The following ZMYM4 variants were observed in gnomAD, a reference collection of about 807,000 sequenced individuals.
ZMYM4 encodes the protein zinc finger MYM-type protein 4.
A neutral mutation model predicts 183.2 loss-of-function variants in ZMYM4; 31 were observed. The ratio of observed to expected loss-of-function variants is 0.17; its 90% CI spans 0.13 to 0.23. ZMYM4 has a LOEUF of 0.23. Among genes scored for constraint, ZMYM4 ranks in the 10% least tolerant of loss-of-function variants. The pLI, the probability that ZMYM4 is intolerant of heterozygous loss-of-function variation, is 1.00. For missense variants in ZMYM4, 1,273 were observed against 1,840.3 expected, an observed-to-expected ratio of 0.69 and a Z score of 5.64; for synonymous variants, 592 against 631.2, an observed-to-expected ratio of 0.94 and a Z score of 0.93.
Position 35,419,621 on chromosome 1 carries a change from C to T in ZMYM4, c.4591C>T (p.His1531Tyr). The T allele has an allele frequency of 6.2e-7, 1 of 1,614,136 alleles. No individual in the cohort carries two copies. Among genetic ancestry groups the T allele is most frequent in the Non-Finnish European group, 8.5e-7 (1 of 1,180,016 alleles). The change falls in exon 30 of 30, where the codon CAT becomes TAT. Residue 1531 changes from histidine to tyrosine, a missense_variant. His to Tyr is a moderately conservative substitution (Grantham distance 83). Coordinates refer to ENST00000314607, the MANE Select transcript of ZMYM4 (RefSeq NM_005095.3). ...ACGTATTCTCATGGTGAGGGAGGTA[C>T]ATGAAGAACTTGCCAAAGCCAAATC... ...LTRILMVREV[H>Y]EELAKAKSED...
intron 2 of ZMYM4, among the ~76,000 whole-genome samples, chr1:35,326,383 G>T (rs1016649890): frequency 1.3e-5 from 2 of 152,090 alleles, no homozygotes; most frequent in African/African-American, 4.8e-5. Context: ...TTGTAGTGGT[G>T]GTTGGTTAAC....
intron 2 of ZMYM4, among the ~76,000 whole-genome samples, chr1:35,357,716 G>A (rs1486421296): frequency 1.3e-5 from 2 of 152,146 alleles, no homozygotes; most frequent in African/African-American, 4.8e-5. Context: ...GGAACATGAT[G>A]AGTTTTGATT....
chr1:35,311,802 ATATT>A lies in ZMYM4; in HGVS notation c.40-13553_40-13550del, dbSNP rs1293642869. Among the ~76,000 whole-genome samples the A allele has an allele frequency of 1.1e-3, 173 of 152,272 alleles. 1 individual carries two copies. Among genetic ancestry groups the A allele is most frequent in the African/African-American group, 4.0e-3 (167 of 41,576 alleles). Reference sequence around the variant, plus strand: ...TATAGAAATAGTTATATTTATTCAGATATTTATTATTTCTGTTGCTCTTCATTCT... The same window carrying A: ...TATAGAAATAGTTATATTTATTCAGATATTATTTCTGTTGCTCTTCATTCT... On this transcript the variant is annotated intron_variant, in intron 1 of 29. Coordinates refer to ENST00000314607, the MANE Select transcript of ZMYM4 (RefSeq NM_005095.3).
intron 7 of ZMYM4, among the ~76,000 whole-genome samples, chr1:35,372,511 A>T (rs962642371): frequency 6.6e-6 from 1 of 152,148 alleles, no homozygotes; most frequent in Admixed American, 6.5e-5. Flanking sequence ...GTGAGAATAG[A>T]TATAAAATGT....
intron 2 of ZMYM4, among the ~76,000 whole-genome samples, chr1:35,326,813 A>G (rs1642523051): frequency 6.6e-6 from 1 of 152,172 alleles, no homozygotes; most frequent in Non-Finnish European, 1.5e-5. Context: ...AGACATGGAA[A>G]GAATATACAA....
At chr1:35,370,657 GTTTC>G in intron 7 of ZMYM4, 30 bp downstream of exon 7, 2 of 1,389,756 alleles carry the variant, frequency 1.4e-6, no homozygotes, top group East Asian at 6.0e-5. Flanking sequence ...TATCTTTTTT[GTTTC>G]TTTCCTTTCT....
chr1:35,405,288 A>G, intron 24 of ZMYM4, 85 bp from the exon 25 acceptor site: 3 of 1,578,018 alleles, frequency 1.9e-6, no homozygotes, highest in East Asian at 2.2e-5. Context: ...CAAAAACCCC[A>G]TAAAACTTTG....
intron 23 of ZMYM4, among the ~76,000 whole-genome samples, chr1:35,402,116 T>TAA (rs35016137): frequency 2.8e-4 from 35 of 124,760 alleles, no homozygotes; most frequent in African/African-American, 8.7e-4. Flanking sequence ...TCAATTTCTT[T>TAA]AAAAAAAAAA....
chr1:35,412,435 C>T (rs958705457), intron 26 of ZMYM4, among the ~76,000 whole-genome samples: 16 of 152,012 alleles, frequency 1.1e-4, no homozygotes, highest in Non-Finnish European at 1.9e-4. Context: ...ATTCGCGGTA[C>T]AGTGTTGACG....
intron 29 of ZMYM4, among the ~76,000 whole-genome samples, 193 bp from the exon 30 acceptor site, chr1:35,419,277 C>T (rs1640240842): frequency 6.6e-6 from 1 of 152,068 alleles, no homozygotes; most frequent in Admixed American, 6.5e-5. Flanking sequence ...ACCTTGCTTT[C>T]CCCATTGTGA....
chr1:35,378,752 A>G (rs982115990), intron 7 of ZMYM4, among the ~76,000 whole-genome samples: 2 of 152,168 alleles, frequency 1.3e-5, no homozygotes, highest in East Asian at 1.9e-4. Context: ...TCGTTTTTCA[A>G]TAGAAGACTG....
At chr1:35,297,970 A>G (rs1449269065) in intron 1 of ZMYM4, among the ~76,000 whole-genome samples, 1 of 152,234 alleles carries the variant, frequency 6.6e-6, no homozygotes, top group Non-Finnish European at 1.5e-5. Flanking sequence ...TGGGGAATTA[A>G]CTCTAAGGCT....
chr1:35,417,638 G>A (rs1436064437), intron 28 of ZMYM4, among the ~76,000 whole-genome samples: 3 of 152,046 alleles, frequency 2.0e-5, no homozygotes, highest in Non-Finnish European at 4.4e-5. Context: ...AGGAGTTCAA[G>A]GCTGCGGAGA....
At chr1:35,311,001 G>A (rs1641770256) in intron 1 of ZMYM4, among the ~76,000 whole-genome samples, 1 of 152,108 alleles carries the variant, frequency 6.6e-6, no homozygotes, top group Non-Finnish European at 1.5e-5. Context: ...ACCGCAAACA[G>A]TATACGCTTC....
At chr1:35,401,969 CTA>C (rs1644917693) in intron 23 of ZMYM4, among the ~76,000 whole-genome samples, 1 of 152,084 alleles carries the variant, frequency 6.6e-6, no homozygotes, top group African/African-American at 2.4e-5. Flanking sequence ...ACTTATATGT[CTA>C]TTTTTATACC....
Position 35,370,466 on chromosome 1 carries a change from C to T in ZMYM4, c.1020C>T (p.Ser340=). 6.2e-7 allele frequency: 1 copy of T among 1,605,422 alleles called. No individual in the cohort carries two copies. Among genetic ancestry groups the T allele is most frequent in the Non-Finnish European group, 8.5e-7 (1 of 1,178,286 alleles). The part of the protein sequence containing the change: ...PSVPATAVRV[S]CSGCKKILQK... ...TTCCAGCCACAGCTGTTCGAGTTTCCTGTTCTGGTTGTAAAAAAATCCTCC... is the reference window on the plus strand; with the variant it reads ...TTCCAGCCACAGCTGTTCGAGTTTCTTGTTCTGGTTGTAAAAAAATCCTCC... The change falls in exon 7 of 30, where the codon TCC becomes TCT. Residue 340 remains serine (S), a synonymous_variant. Transcript: ENST00000314607.
chr1:35,319,180 A>G (rs1218809079), intron 1 of ZMYM4, among the ~76,000 whole-genome samples: 2 of 152,182 alleles, frequency 1.3e-5, no homozygotes, highest in East Asian at 3.9e-4. Context: ...GTGCCTGGCC[A>G]AACTGACAGA....
chr1:35,369,794 G>T (rs116994339), intron 5 of ZMYM4, among the ~76,000 whole-genome samples: 2 of 151,412 alleles, frequency 1.3e-5, no homozygotes, highest in Non-Finnish European at 2.9e-5. Flanking sequence ...TAAATACTTA[G>T]TGTCACAGAC....
intron 1 of ZMYM4, among the ~76,000 whole-genome samples, chr1:35,297,194 C>T (rs527825170): frequency 3.9e-5 from 6 of 152,074 alleles, no homozygotes; most frequent in Admixed American, 6.6e-5. Flanking sequence ...GATGGAGTCT[C>T]GTTCTGTCTG....
Sources: gnomAD v4.1 joint callset for allele counts (sites outside exome capture counted in the v4.1 genomes callset) on GRCh38, gnomAD v4.1.1 for gene constraint, MANE v1.5 for transcripts, NCBI Gene and HGNC (gene_info 2026-07-23, HGNC 2026-07-21) for gene names.